SNRNP70: variants seen among roughly 807,000 people sequenced by gnomAD.
The protein encoded by SNRNP70 is U1 small nuclear ribonucleoprotein 70 kDa.
SNRNP70 carries 8 observed loss-of-function variants against 50.5 expected under a neutral mutation model. The ratio of observed to expected loss-of-function variants is 0.16; its 90% CI spans 0.09 to 0.29. SNRNP70 has a LOEUF of 0.29. Ranked by LOEUF, SNRNP70 falls within the 10% of genes least tolerant of loss-of-function variation. The pLI is 1.00. For missense variants in SNRNP70, 529 were observed against 663.5 expected (o/e 0.80, Z 2.23); for synonymous variants, 320 against 252.9 (o/e 1.27, Z -2.52).
intron 4 of SNRNP70, among the ~76,000 whole-genome samples, chr19:49,092,259 T>C (rs1330606184): frequency 3.7e-4 from 52 of 141,614 alleles, no homozygotes; most frequent in Middle Eastern, 8.9e-3. Flanking sequence ...CAGGCGTGCG[T>C]CACCACGCCC....
chr19:49,096,253 C>T lies in SNRNP70; in HGVS notation c.266-2174C>T, dbSNP rs539410412. On this transcript the variant is annotated intron_variant, in intron 4 of 9. Coordinates refer to ENST00000598441, the MANE Select transcript of SNRNP70 (RefSeq NM_003089.6). ...TGTATTTTTAGTAGAGACGGGGTTT[C>T]GCCATGTTTGCCAGGCTGGTCTCAA... is the stretch of plus-strand genomic sequence containing the variant. Among the ~76,000 whole-genome samples, 4 of 151,320 alleles carry T rather than the reference C, an allele frequency of 2.6e-5. No individual in the cohort carries two copies. In the East Asian group the frequency reaches 8.0e-4, roughly 30 times the overall value.
At position 49,108,597 on chromosome 19, in the gene SNRNP70, C is replaced by T. The variant is rs1437203904; in HGVS notation, c.*154C>T. 3 of 1,047,518 alleles carry T rather than the reference C, an allele frequency of 2.9e-6. No individual in the cohort carries two copies. Among genetic ancestry groups the T allele is most frequent in the Admixed American group, 2.9e-5 (1 of 34,336 alleles). The allele number at this position is 1,047,518 out of a possible 1,614,324, so 64.9% of individuals were successfully genotyped here. A position where few individuals can be genotyped will look rare whatever the true frequency, so the allele number is the denominator to read the frequency against. ...TTGGATTTAAAAATAAAATTAATTTCCTGTTGATAGTGGGCACCTCGGTTT... is the reference window on the plus strand; with the variant it reads ...TTGGATTTAAAAATAAAATTAATTTTCTGTTGATAGTGGGCACCTCGGTTT... On this transcript the variant is annotated 3_prime_UTR_variant, in exon 10 of 10. Transcript: ENST00000598441.
intron 2 of SNRNP70, among the ~76,000 whole-genome samples, chr19:49,087,177 C>CAGA (rs1555736231): frequency 4.0e-4 from 40 of 100,624 alleles, no homozygotes; most frequent in Admixed American, 7.0e-4. Context: ...AAGACTGTCT[C>CAGA]AAAAAAAAAA....
At chr19:49,090,008 C>G (rs2040428694) in intron 2 of SNRNP70, among the ~76,000 whole-genome samples, 1 of 152,020 alleles carries the variant, frequency 6.6e-6, no homozygotes, top group East Asian at 1.9e-4. Context: ...TGGTGTTTCA[C>G]TGTGTTGTCC....
chr19:49,105,763 G>T (rs904377380), intron 8 of SNRNP70, among the ~76,000 whole-genome samples: 1 of 151,734 alleles, frequency 6.6e-6, no homozygotes, highest in Non-Finnish European at 1.5e-5. Flanking sequence ...AAACTGGGGC[G>T]ACCCACCTGT....
intron 4 of SNRNP70, among the ~76,000 whole-genome samples, chr19:49,091,081 A>G (rs1281047972): frequency 6.6e-6 from 1 of 152,080 alleles, no homozygotes; most frequent in Non-Finnish European, 1.5e-5. Context: ...ATAAGATTAT[A>G]TCATATTTTG....
Position 49,101,382 on chromosome 19 carries a change from C to T in SNRNP70, c.394-8C>T, listed in dbSNP as rs2040583764. 6.2e-7 allele frequency: 1 copy of T among 1,609,888 alleles called. No individual in the cohort carries two copies. Among genetic ancestry groups the T allele is most frequent in the Non-Finnish European group, 8.5e-7 (1 of 1,176,168 alleles). On this transcript the variant is annotated splice_polypyrimidine_tract_variant and splice_region_variant and intron_variant, in intron 6 of 9. Transcript: ENST00000598441. ...CAGGACTCACCCCTGTCCCCATGTG[C>T]CCCACAGATACACATGGTCTACAGT... is the stretch of plus-strand genomic sequence containing the variant.
At chr19:49,085,978 T>G (rs986630762) in intron 1 of SNRNP70, among the ~76,000 whole-genome samples, 21 of 152,184 alleles carry the variant, frequency 1.4e-4, no homozygotes, top group Non-Finnish European at 2.8e-4. Flanking sequence ...GCTCCTTATG[T>G]TTCTCTTTCT....
At position 49,104,573 on chromosome 19, in the gene SNRNP70, G is replaced by A; in HGVS notation, c.476-61G>A. On this transcript the variant is annotated intron_variant, in intron 7 of 9. Coordinates refer to ENST00000598441, the MANE Select transcript of SNRNP70 (RefSeq NM_003089.6). The surrounding 1 kb of genome is among the most constrained non-coding windows in gnomAD (Gnocchi z 5.4). ...GCGGGGATTCTGTAGAGCTGGGCCT[G>A]TCCTGACTAGAGGACCCTCTGGGGA... 1 of 1,302,412 alleles carries A rather than the reference G, an allele frequency of 7.7e-7. No homozygotes were observed. Among genetic ancestry groups the A allele is most frequent in the Non-Finnish European group, 1.1e-6 (1 of 921,802 alleles). 80.7% of individuals were successfully genotyped at this position (1,302,412 alleles called of 1,614,324 possible). A position where few individuals can be genotyped will look rare whatever the true frequency, so the allele number is the denominator to read the frequency against.
rs1471216102 is a variant in SNRNP70, at chr19:49,085,582, G to T, written c.-65G>T. Reference sequence around the variant, plus strand: ...CAGGAGTTGTTGTTGCTGAGGGGCTGCCGCAGCCGCCGCGAGCCTCCGGAC... The same window carrying T: ...CAGGAGTTGTTGTTGCTGAGGGGCTTCCGCAGCCGCCGCGAGCCTCCGGAC... On this transcript the variant is annotated 5_prime_UTR_variant, in exon 1 of 10. Coordinates refer to ENST00000598441, the MANE Select transcript of SNRNP70 (RefSeq NM_003089.6). The T allele has an allele frequency of 2.2e-6, 1 of 456,086 alleles. No homozygotes were observed. The highest frequency in any genetic ancestry group is 2.3e-5 in the Admixed American group (1 of 42,584). 28.3% of individuals were successfully genotyped at this position (456,086 alleles called of 1,614,324 possible).
intron 4 of SNRNP70, among the ~76,000 whole-genome samples, chr19:49,091,912 A>G (rs966662716): frequency 5.9e-5 from 9 of 151,718 alleles, no homozygotes; most frequent in African/African-American, 2.2e-4. Context: ...TCATGACCTC[A>G]TTTTTTGCCA....
intron 6 of SNRNP70, among the ~76,000 whole-genome samples, chr19:49,098,990 G>A (rs2040546933): frequency 6.6e-6 from 1 of 152,190 alleles, no homozygotes; most frequent in African/African-American, 2.4e-5. Flanking sequence ...ATTGTCTTTG[G>A]CTGCTACTGT....
At position 49,108,519 on chromosome 19, in the gene SNRNP70, T is replaced by C; in HGVS notation, c.*76T>C. Reference sequence around the variant, plus strand: ...CTTGCTGTCATCCCCTCCCCCAACCTTGGCCACTTGAGTTTGTCCTCCAAG... The same window carrying C: ...CTTGCTGTCATCCCCTCCCCCAACCCTGGCCACTTGAGTTTGTCCTCCAAG... On this transcript the variant is annotated 3_prime_UTR_variant, in exon 10 of 10. Transcript: ENST00000598441. 6.6e-7 allele frequency: 1 copy of C among 1,516,094 alleles called. No individual in the cohort carries two copies. The highest frequency in any genetic ancestry group is 8.8e-7 in the Non-Finnish European group (1 of 1,130,002). 93.9% of individuals were successfully genotyped at this position (1,516,094 alleles called of 1,614,324 possible). A position where few individuals can be genotyped will look rare whatever the true frequency, so the allele number is the denominator to read the frequency against.
chr19:49,093,947 C>G (rs1016847852), intron 4 of SNRNP70, among the ~76,000 whole-genome samples: 14 of 150,278 alleles, frequency 9.3e-5, no homozygotes, highest in Admixed American at 9.3e-4. Flanking sequence ...TGCTTGAACC[C>G]GGGAGGCGGA....
chr19:49,107,817 CACAGGG>C lies in SNRNP70; in HGVS notation c.691_696del (p.Asp236_Arg237del). The C allele has an allele frequency of 1.3e-6, 2 of 1,598,136 alleles. No individual in the cohort carries two copies. Among genetic ancestry groups the C allele is most frequent in the Non-Finnish European group, 8.5e-7 (1 of 1,173,020 alleles). ...CAGGCCCGGCCCCTCCCCGCTTCCGCACAGGGACCGGGACCGGGACCGTGAGCGGGA... is the reference window on the plus strand; with the variant it reads ...CAGGCCCGGCCCCTCCCCGCTTCCGCACCGGGACCGGGACCGTGAGCGGGA... On this transcript the variant is annotated inframe_deletion, in exon 10 of 10. Coordinates refer to ENST00000598441, the MANE Select transcript of SNRNP70 (RefSeq NM_003089.6). This position sits in a 1 kb window ranked among gnomAD's most constrained non-coding sequence, Gnocchi z 6.0.
intron 4 of SNRNP70, among the ~76,000 whole-genome samples, chr19:49,097,524 T>C (rs2040528498): frequency 6.6e-6 from 1 of 152,216 alleles, no homozygotes; most frequent in South Asian, 2.1e-4. Flanking sequence ...AATTGCAACC[T>C]CTGGCATAAA....
intron 6 of SNRNP70, among the ~76,000 whole-genome samples, chr19:49,100,164 A>G (rs1462603406): frequency 1.3e-5 from 2 of 152,000 alleles, no homozygotes; most frequent in Non-Finnish European, 2.9e-5. Flanking sequence ...AAATGCTGTT[A>G]CCTCCCAGAA....
rs951491039 is a variant in SNRNP70, at chr19:49,107,040, G to A, written c.578-585G>A. Among the ~76,000 whole-genome samples the A allele has an allele frequency of 6.6e-5, 10 of 152,164 alleles. No homozygotes were observed. The highest frequency in any genetic ancestry group is 2.2e-4 in the African/African-American group (9 of 41,422). ...AAAGGATGTTCGGGCTAGCGTTAAG[G>A]GTGAGCGTGAGTTCACCAGAGAAGG... On this transcript the variant is annotated intron_variant, in intron 8 of 9. Transcript: ENST00000598441. This position sits in a 1 kb window ranked among gnomAD's most constrained non-coding sequence, Gnocchi z 6.0.
chr19:49,091,110 GCTGTAAT>G (rs1277426668), intron 4 of SNRNP70, among the ~76,000 whole-genome samples: 2 of 152,080 alleles, frequency 1.3e-5, no homozygotes, highest in East Asian at 3.9e-4. Context: ...TGTGGCTCAC[GCTGTAAT>G]CCCAGTACTT....
Sources: allele counts gnomAD v4.1 joint callset (sites outside exome capture counted in the v4.1 genomes callset), GRCh38; gene constraint gnomAD v4.1.1; non-coding constraint Gnocchi (gnomAD v3.1); transcripts MANE v1.5; gene names NCBI Gene and HGNC (gene_info 2026-07-23, HGNC 2026-07-21).